ZBTB20: variants seen among roughly 807,000 people sequenced by gnomAD.
ZBTB20 encodes the protein zinc finger and BTB domain-containing protein 20.
In ZBTB20, 9 loss-of-function variants were observed where a neutral mutation model predicts 56.9. The observed-to-expected ratio is 0.16, with a 90% confidence interval of 0.10 to 0.28. ZBTB20 has a LOEUF of 0.28. ZBTB20 is among the 10% of genes least tolerant of loss of function. The pLI is 1.00. For missense variants in ZBTB20, 655 were observed against 1,003.0 expected (o/e 0.65, Z 4.69); for synonymous variants, 417 against 420.7 (o/e 0.99, Z 0.11).
At chr3:114,565,628 G>A (rs569361127) in intron 6 of ZBTB20, among the ~76,000 whole-genome samples, 79 of 152,162 alleles carry the variant, frequency 5.2e-4, no homozygotes, top group Non-Finnish European at 8.1e-4. Context: ...GAGATAATAC[G>A]GTAGCGATAA....
At chr3:114,860,194 C>T (rs1431151395) in intron 4 of ZBTB20, among the ~76,000 whole-genome samples, 1 of 151,968 alleles carries the variant, frequency 6.6e-6, no homozygotes, top group Non-Finnish European at 1.5e-5. Context: ...GTAGTCCCAG[C>T]TACTCGGGAG....
chr3:115,118,703 ATTTTTTTTTTT>A lies in ZBTB20; in HGVS notation c.-703+28505_-703+28515del, dbSNP rs35607205. Among the ~76,000 whole-genome samples, 53 of 82,214 alleles carry A rather than the reference ATTTTTTTTTTT, an allele frequency of 6.4e-4. 1 individual carries two copies. Among genetic ancestry groups the A allele is most frequent in the African/African-American group, 2.4e-3 (49 of 20,328 alleles). The allele number at this position is 82,214 out of a possible 152,430, so 53.9% of individuals were successfully genotyped here. A position where few individuals can be genotyped will look rare whatever the true frequency, so the allele number is the denominator to read the frequency against. On this transcript the variant is annotated intron_variant, in intron 1 of 11. Coordinates refer to ENST00000675478, the MANE Select transcript of ZBTB20 (RefSeq NM_001348800.3). ...GGACCTAAAACTTTACCTGGTACAA[ATTTTTTTTTTT>A]TTTTTTTTTTTTTTTTTTTTGAGAC...
chr3:114,628,493 C>A (rs1197018626), intron 6 of ZBTB20, among the ~76,000 whole-genome samples: 1 of 152,114 alleles, frequency 6.6e-6, no homozygotes, highest in African/African-American at 2.4e-5. Flanking sequence ...CTTCTAACTA[C>A]TTTTCCAATC....
intron 6 of ZBTB20, among the ~76,000 whole-genome samples, chr3:114,611,565 A>G (rs891525939): frequency 3.3e-5 from 5 of 152,220 alleles, no homozygotes; most frequent in Non-Finnish European, 7.4e-5. Context: ...CATGAAATCA[A>G]AAGGCAAAGG....
intron 10 of ZBTB20, among the ~76,000 whole-genome samples, chr3:114,354,730 C>T (rs890934265): frequency 1.3e-5 from 2 of 151,888 alleles, no homozygotes; most frequent in Non-Finnish European, 2.9e-5. Context: ...TACAGGCATG[C>T]ACCACCACAC....
chr3:115,006,013 C>G (rs1383846079), intron 2 of ZBTB20, among the ~76,000 whole-genome samples: 1 of 147,420 alleles, frequency 6.8e-6, no homozygotes, highest in Non-Finnish European at 1.5e-5. Context: ...TTTTTTTTTT[C>G]TTTTTTCTTT....
chr3:115,023,737 T>G lies in ZBTB20; in HGVS notation c.-507+47482A>C, dbSNP rs184474574. Among the ~76,000 whole-genome samples the G allele has an allele frequency of 7.9e-5, 12 of 151,086 alleles. No homozygotes were observed. The East Asian group carries it at 1.8e-3, about 22-fold the overall frequency. On this transcript the variant is annotated intron_variant, in intron 2 of 11. Coordinates refer to ENST00000675478, the MANE Select transcript of ZBTB20 (RefSeq NM_001348800.3). The stretch of plus-strand genomic sequence containing the variant: ...TCTCCTCCCCCACTTTTCTCCCTTT[T>G]CTTTCTCTCCTTTTTGATTCTTACA...
intron 7 of ZBTB20, among the ~76,000 whole-genome samples, chr3:114,462,305 TA>T (rs933450216): frequency 9.2e-5 from 14 of 152,296 alleles, no homozygotes; most frequent in Non-Finnish European, 1.5e-4. Flanking sequence ...TGTAGATGTT[TA>T]AAGGGTGTGA....
At chr3:115,144,511 C>A (rs1228794505) in intron 1 of ZBTB20, among the ~76,000 whole-genome samples, 1 of 152,134 alleles carries the variant, frequency 6.6e-6, no homozygotes, top group Admixed American at 6.5e-5. Context: ...GCCTCAAAAA[C>A]TTTCTGATCC....
rs76770488 is a variant in ZBTB20, at chr3:114,444,353, A to T, written c.-254-55248T>A. On this transcript the variant is annotated intron_variant, in intron 7 of 11. Transcript: ENST00000675478. ...TAACTCCAGAGTCTCTAGGGAGTAC[A>T]ATGCATTTGGGTGCATTTTCCTTCA... Among the ~76,000 whole-genome samples the T allele has an allele frequency of 2.6e-3, 392 of 152,262 alleles. 2 individuals carry two copies. The highest frequency in any genetic ancestry group is 9.2e-3 in the African/African-American group (382 of 41,564).
At chr3:114,886,734 A>G (rs2076615547) in intron 4 of ZBTB20, among the ~76,000 whole-genome samples, 1 of 152,220 alleles carries the variant, frequency 6.6e-6, no homozygotes, top group Non-Finnish European at 1.5e-5. Flanking sequence ...AGTAGTTTAA[A>G]AAAGTATGAC....
intron 7 of ZBTB20, among the ~76,000 whole-genome samples, chr3:114,421,287 T>TA (rs945296462): frequency 6.6e-6 from 1 of 152,042 alleles, no homozygotes; most frequent in African/African-American, 2.4e-5. Flanking sequence ...GCATTAAGGG[T>TA]AAGAGAGAAG....
chr3:114,877,783 T>A (rs1420759526), intron 4 of ZBTB20, among the ~76,000 whole-genome samples: 1 of 152,204 alleles, frequency 6.6e-6, no homozygotes, highest in Non-Finnish European at 1.5e-5. Flanking sequence ...ACCTGCTTTT[T>A]TTTCTAAACT....
chr3:114,772,558 A>T (rs926824897), intron 5 of ZBTB20, among the ~76,000 whole-genome samples: 1 of 152,016 alleles, frequency 6.6e-6, no homozygotes, highest in African/African-American at 2.4e-5. Flanking sequence ...GCCCCTAGTT[A>T]TTCTGTTTAT....
At chr3:115,086,294 A>G (rs1256955986) in intron 1 of ZBTB20, among the ~76,000 whole-genome samples, 37 of 151,820 alleles carry the variant, frequency 2.4e-4, no homozygotes, top group Admixed American at 2.4e-3. Flanking sequence ...ACTTTTTTGG[A>G]GGTGGAAATA....
At chr3:114,617,483 GT>G (rs1477322907) in intron 6 of ZBTB20, among the ~76,000 whole-genome samples, 1 of 152,134 alleles carries the variant, frequency 6.6e-6, no homozygotes, top group Non-Finnish European at 1.5e-5. Flanking sequence ...TGCCTCCATG[GT>G]TCCTTGAACA....
intron 7 of ZBTB20, among the ~76,000 whole-genome samples, chr3:114,494,491 T>A (rs2043070350): frequency 6.6e-6 from 1 of 152,222 alleles, no homozygotes; most frequent in Admixed American, 6.5e-5. Flanking sequence ...TTTCCAGATG[T>A]TTTCTAAACA....
chr3:114,706,936 A>G (rs2063755315), intron 5 of ZBTB20, among the ~76,000 whole-genome samples: 1 of 152,108 alleles, frequency 6.6e-6, no homozygotes, highest in African/African-American at 2.4e-5. Flanking sequence ...AGGGGGTGCA[A>G]CTACAGCCAA....
At chr3:114,909,141 T>C (rs887951750) in intron 3 of ZBTB20, among the ~76,000 whole-genome samples, 2 of 151,956 alleles carry the variant, frequency 1.3e-5, no homozygotes, top group African/African-American at 4.8e-5. Flanking sequence ...GCTCCATGCA[T>C]GTTATTACGC....
Sources: gnomAD v4.1 joint callset for allele counts (sites outside exome capture counted in the v4.1 genomes callset) on GRCh38, gnomAD v4.1.1 for gene constraint, MANE v1.5 for transcripts, NCBI Gene and HGNC (gene_info 2026-07-23, HGNC 2026-07-21) for gene names.